PRKCE: variants seen among roughly 807,000 people sequenced by gnomAD.
PRKCE encodes protein kinase C epsilon, also known as protein kinase C epsilon type.
A neutral mutation model predicts 85.4 loss-of-function variants in PRKCE; 16 were observed. That is an observed-to-expected ratio of 0.19 (90% CI 0.13 to 0.28). The LOEUF is 0.28. Among genes scored for constraint, PRKCE ranks in the 10% least tolerant of loss-of-function variants. The pLI, the probability that PRKCE is intolerant of heterozygous loss-of-function variation, is 1.00. For missense variants in PRKCE, 573 were observed against 975.2 expected, an observed-to-expected ratio of 0.59 and a Z score of 5.49; for synonymous variants, 388 against 371.5, an observed-to-expected ratio of 1.04 and a Z score of -0.51.
intron 13 of PRKCE, among the ~76,000 whole-genome samples, chr2:46,151,563 C>G (rs1267717936): frequency 6.7e-6 from 1 of 150,094 alleles, no homozygotes; most frequent in Non-Finnish European, 1.5e-5. Flanking sequence ...GGAACAGAAG[C>G]AACTCAACTG....
chr2:45,817,327 A>G (rs552649172), intron 1 of PRKCE, among the ~76,000 whole-genome samples: 31 of 152,284 alleles, frequency 2.0e-4, no homozygotes, highest in African/African-American at 7.2e-4. Flanking sequence ...AAATCAGGGT[A>G]GTCCTGTTTA....
At chr2:45,829,183 T>C (rs1003846030) in intron 1 of PRKCE, among the ~76,000 whole-genome samples, 1 of 152,240 alleles carries the variant, frequency 6.6e-6, no homozygotes, top group Non-Finnish European at 1.5e-5. Flanking sequence ...ATATGTGTGA[T>C]TTGAGATAAA....
At chr2:45,836,606 C>T (rs180724917) in intron 1 of PRKCE, among the ~76,000 whole-genome samples, 3 of 152,236 alleles carry the variant, frequency 2.0e-5, no homozygotes, top group East Asian at 1.9e-4. Flanking sequence ...AGTGTGCCTG[C>T]GGTGCCTCCA....
At chr2:46,039,296 T>G (rs774788186) in intron 10 of PRKCE, among the ~76,000 whole-genome samples, 1 of 152,244 alleles carries the variant, frequency 6.6e-6, no homozygotes, top group South Asian at 2.1e-4. Flanking sequence ...CCAGTTTCTC[T>G]GTCTCTCTCA....
At chr2:46,114,093 G>A (rs188177252) in intron 11 of PRKCE, among the ~76,000 whole-genome samples, 66 of 152,214 alleles carry the variant, frequency 4.3e-4, no homozygotes, top group Non-Finnish European at 7.2e-4. Flanking sequence ...CATCTACCAG[G>A]CTGGGCCTTT....
chr2:45,805,284 C>T lies in PRKCE; in HGVS notation c.349-37716C>T, dbSNP rs534811240. Among the ~76,000 whole-genome samples the T allele has an allele frequency of 4.4e-4, 67 of 152,260 alleles. 1 individual carries two copies. The highest frequency in any genetic ancestry group is 1.5e-3 in the African/African-American group (61 of 41,544). On this transcript the variant is annotated intron_variant, in intron 1 of 14. Coordinates refer to ENST00000306156, the MANE Select transcript of PRKCE (RefSeq NM_005400.3). ...GCTGGACTCAAACCCAGTTGGACAG[C>T]ATGATTTTGTGCTCCTAGCCACTAC... is the stretch of plus-strand genomic sequence containing the variant.
At chr2:46,022,005 G>A (rs1197200265) in intron 10 of PRKCE, among the ~76,000 whole-genome samples, 4 of 152,056 alleles carry the variant, frequency 2.6e-5, no homozygotes, top group African/African-American at 9.7e-5. Context: ...TTTTGTCCTA[G>A]TGGTCTGAAA....
chr2:45,704,656 A>T (rs1341414652), intron 1 of PRKCE, among the ~76,000 whole-genome samples: 1 of 152,182 alleles, frequency 6.6e-6, no homozygotes, highest in Non-Finnish European at 1.5e-5. Flanking sequence ...AGTCTTTTAG[A>T]AGTATTGTGA....
At chr2:45,800,608 G>C (rs1687787163) in intron 1 of PRKCE, among the ~76,000 whole-genome samples, 1 of 152,232 alleles carries the variant, frequency 6.6e-6, no homozygotes, top group African/African-American at 2.4e-5. Context: ...AAGGACAAGG[G>C]AGAGCCACAG....
At chr2:45,985,856 G>A (rs1703282305) in intron 6 of PRKCE, among the ~76,000 whole-genome samples, 2 of 152,244 alleles carry the variant, frequency 1.3e-5, no homozygotes, top group African/African-American at 2.4e-5. Context: ...ACACGAAGCT[G>A]TCCACCTGTT....
At chr2:45,961,142 AG>A (rs1375579480) in intron 2 of PRKCE, among the ~76,000 whole-genome samples, 2 of 152,204 alleles carry the variant, frequency 1.3e-5, no homozygotes, top group Non-Finnish European at 2.9e-5. Flanking sequence ...TTCTAATATA[AG>A]CTGACCTATC....
intron 11 of PRKCE, among the ~76,000 whole-genome samples, chr2:46,097,389 G>A (rs1049904049): frequency 1.3e-5 from 2 of 151,986 alleles, no homozygotes; most frequent in African/African-American, 2.4e-5. Context: ...GCGTGGTGGC[G>A]GGCGTCTGTA....
intron 2 of PRKCE, among the ~76,000 whole-genome samples, chr2:45,913,322 A>T (rs1553447622): frequency 6.6e-6 from 1 of 152,166 alleles, no homozygotes; most frequent in Non-Finnish European, 1.5e-5. Context: ...TAATTTTTGT[A>T]TCTTTTTTGT....
intron 1 of PRKCE, among the ~76,000 whole-genome samples, chr2:45,797,628 C>G (rs143676787): frequency 6.3e-4 from 96 of 152,370 alleles, no homozygotes; most frequent in African/African-American, 2.2e-3. Flanking sequence ...AACATTTAAA[C>G]TGACCTGTCT....
At chr2:46,050,767 G>A (rs570296343) in intron 10 of PRKCE, among the ~76,000 whole-genome samples, 4 of 152,180 alleles carry the variant, frequency 2.6e-5, no homozygotes, top group Admixed American at 1.3e-4. Context: ...GCCACGTCCT[G>A]GGAATAATTT....
At chr2:46,006,980 G>A (rs10211547) in intron 8 of PRKCE, among the ~76,000 whole-genome samples, 33,838 of 152,208 alleles carry the variant, frequency 0.22, 4,186 homozygotes, top group African/African-American at 0.32. Context: ...TCTACCTTCA[G>A]TGATCAGCCA....
intron 1 of PRKCE, among the ~76,000 whole-genome samples, chr2:45,796,671 T>G (rs1291521985): frequency 2.6e-5 from 4 of 152,148 alleles, no homozygotes; most frequent in Admixed American, 6.5e-5. Context: ...TAAATACAGG[T>G]ATGTCATTGT....
rs112491718 is a variant in PRKCE at position 45,662,028 on chromosome 2, C to G, written c.348+9580C>G. ...GAACAGGAAGTGTCCCCCTCTACCC[C>G]CCTTTAGCTCTCTGGGATCTGTCTT... On this transcript the variant is annotated intron_variant, in intron 1 of 14. Coordinates refer to ENST00000306156, the MANE Select transcript of PRKCE (RefSeq NM_005400.3). Among the ~76,000 whole-genome samples, 9 of 152,240 alleles carry G rather than the reference C, an allele frequency of 5.9e-5. No homozygotes were observed. The East Asian group carries it at 9.6e-4, about 16-fold the overall frequency.
chr2:45,841,706 T>C (rs1006594604), intron 1 of PRKCE, among the ~76,000 whole-genome samples: 2 of 152,156 alleles, frequency 1.3e-5, no homozygotes, highest in African/African-American at 4.8e-5. Flanking sequence ...GCAGGAGCCA[T>C]GAGTAAGATG....
Sources: gnomAD v4.1 joint callset for allele counts (sites outside exome capture counted in the v4.1 genomes callset) on GRCh38, gnomAD v4.1.1 for gene constraint, MANE v1.5 for transcripts, NCBI Gene and HGNC (gene_info 2026-07-23, HGNC 2026-07-21) for gene names.